Variants in UNC79 observed in about 807,000 individuals in gnomAD.
The protein encoded by UNC79 is protein unc-79 homolog.
A neutral mutation model predicts 283.1 loss-of-function variants in UNC79; 37 were observed. The ratio of observed to expected loss-of-function variants is 0.13; its 90% CI spans 0.10 to 0.17. The LOEUF is 0.17. Ranked by LOEUF, UNC79 falls within the 10% of genes least tolerant of loss-of-function variation. The pLI, the probability that UNC79 is intolerant of heterozygous loss-of-function variation, is 1.00. For missense variants in UNC79, 2,272 were observed against 3,211.1 expected (o/e 0.71, Z 7.07); for synonymous variants, 1,107 against 1,200.2 (o/e 0.92, Z 1.61).
intron 11 of UNC79, among the ~76,000 whole-genome samples, chr14:93,536,753 C>T (rs964487661): frequency 6.8e-6 from 1 of 147,138 alleles, no homozygotes; most frequent in East Asian, 2.0e-4. Context: ...CCTTAAGATC[C>T]TTAGAAGGCA....
intron 1 of UNC79, among the ~76,000 whole-genome samples, chr14:93,385,562 T>C (rs1469440103): frequency 6.6e-6 from 1 of 152,106 alleles, no homozygotes; most frequent in Non-Finnish European, 1.5e-5. Flanking sequence ...GCGGATCACT[T>C]GAGGCCAGGC....
chr14:93,520,571 G>C (rs1226901825), intron 7 of UNC79, among the ~76,000 whole-genome samples: 1 of 151,826 alleles, frequency 6.6e-6, no homozygotes, highest in Non-Finnish European at 1.5e-5. Context: ...TAAAATATAT[G>C]TAAGGTAAAA....
chr14:93,620,823 G>A, intron 29 of UNC79, 69 bp from the exon 31 acceptor site: 1 of 410,542 alleles, frequency 2.4e-6, no homozygotes, highest in East Asian at 5.8e-5. Flanking sequence ...TCATTGAAAT[G>A]CTTGTGTAGA....
intron 1 of UNC79, among the ~76,000 whole-genome samples, chr14:93,363,066 A>G (rs556356584): frequency 2.5e-4 from 38 of 152,000 alleles, no homozygotes; most frequent in Non-Finnish European, 5.4e-4. Context: ...GGTTGTTAAT[A>G]TGAGCTCTTT....
At chr14:93,483,158 C>A (rs2058226268) in intron 4 of UNC79, among the ~76,000 whole-genome samples, 2 of 152,224 alleles carry the variant, frequency 1.3e-5, no homozygotes, top group African/African-American at 4.8e-5. Context: ...TTTCAAGATG[C>A]CCTTCCTTAC....
chr14:93,620,637 T>C (rs971183637), intron 29 of UNC79, among the ~76,000 whole-genome samples: 1 of 152,198 alleles, frequency 6.6e-6, no homozygotes, highest in Non-Finnish European at 1.5e-5. Flanking sequence ...GCTATTGGAC[T>C]CTCAAGAAGC....
chr14:93,627,554 T>G (rs1351551328), intron 30 of UNC79, among the ~76,000 whole-genome samples: 1 of 152,206 alleles, frequency 6.6e-6, no homozygotes, highest in African/African-American at 2.4e-5. Context: ...GCCATGGTGA[T>G]GGCAGAGTCA....
At chr14:93,666,413 A>T in intron 40 of UNC79, among the ~76,000 whole-genome samples, 1 of 152,116 alleles carries the variant, frequency 6.6e-6, no homozygotes, top group East Asian at 1.9e-4. Flanking sequence ...CAGCAAGAAA[A>T]TTTAAAAGAA....
chr14:93,566,874 C>T (rs543878213), intron 14 of UNC79, among the ~76,000 whole-genome samples: 1 of 152,192 alleles, frequency 6.6e-6, no homozygotes, highest in Non-Finnish European at 1.5e-5. Flanking sequence ...ACCTTGGCCT[C>T]CCAAAGTGCT....
At chr14:93,364,682 TA>T (rs1455472056) in intron 1 of UNC79, among the ~76,000 whole-genome samples, 10 of 150,746 alleles carry the variant, frequency 6.6e-5, no homozygotes, top group African/African-American at 2.4e-4. Context: ...GGCACTGGCT[TA>T]AAAAAATAAC....
chr14:93,367,092 A>G (rs933891828), intron 1 of UNC79, among the ~76,000 whole-genome samples: 16 of 152,166 alleles, frequency 1.1e-4, no homozygotes, highest in African/African-American at 3.9e-4. Context: ...ATTTGAAGAC[A>G]TTGTAAATCC....
rs59725660 is a variant in UNC79 at position 93,605,763 on chromosome 14, T to C, written c.3754+2345T>C. 5.6e-4 allele frequency among the ~76,000 whole-genome samples: 85 copies of C among 152,252 alleles called. No individual in the cohort carries two copies. In the East Asian group the frequency reaches 0.016, roughly 29 times the overall value. On this transcript the variant is annotated intron_variant, in intron 26 of 48. Coordinates refer to ENST00000555664, the Ensembl canonical transcript of UNC79. Reference sequence around the variant, plus strand: ...TCAAGTAAGGAGACTTTAAAGATCATTGTGTTTTATAAAAAGGACGTTTGA... The same window carrying C: ...TCAAGTAAGGAGACTTTAAAGATCACTGTGTTTTATAAAAAGGACGTTTGA...
chr14:93,526,226 G>A (rs1031639609), intron 8 of UNC79, among the ~76,000 whole-genome samples: 7 of 151,888 alleles, frequency 4.6e-5, no homozygotes, highest in Non-Finnish European at 8.8e-5. Context: ...CCTGTGCTGG[G>A]GCCATTTTTG....
chr14:93,614,320 TTTATTTATTTATTTA>T (rs2066529253), intron 27 of UNC79, among the ~76,000 whole-genome samples: 1 of 150,968 alleles, frequency 6.6e-6, no homozygotes, highest in Non-Finnish European at 1.5e-5. Context: ...TATTTATTTA[TTTATTTATTTATTTA>T]GAGACGGAGT....
intron 1 of UNC79, among the ~76,000 whole-genome samples, chr14:93,396,687 G>C (rs2055004503): frequency 6.6e-6 from 1 of 151,732 alleles, no homozygotes; most frequent in Admixed American, 6.6e-5. Context: ...TGCTTGGTTA[G>C]CTTAGTGGTC....
intron 14 of UNC79, among the ~76,000 whole-genome samples, chr14:93,567,116 A>G (rs184569330): frequency 6.6e-6 from 1 of 152,354 alleles, no homozygotes; most frequent in Non-Finnish European, 1.5e-5. Flanking sequence ...CACTGTGCCA[A>G]TCACCGAGTT....
chr14:93,482,640 G>C (rs964933058), intron 4 of UNC79, among the ~76,000 whole-genome samples: 3 of 152,116 alleles, frequency 2.0e-5, no homozygotes, highest in African/African-American at 7.2e-5. Flanking sequence ...TTCCTGCCAG[G>C]TGTCTCCTTT....
intron 1 of UNC79, among the ~76,000 whole-genome samples, chr14:93,424,099 G>A (rs575154876): frequency 1.3e-5 from 2 of 152,030 alleles, no homozygotes; most frequent in Non-Finnish European, 2.9e-5. Context: ...AATGGCAAAC[G>A]GGCATATGAA....
downstream of UNC79, chr14:93,707,113 G>T: frequency 2.2e-6 from 1 of 453,922 alleles, no homozygotes; most frequent in Non-Finnish European, 3.8e-6. Context: ...ATCTGATTAA[G>T]TGTTTCCTTA....
Sources: allele counts gnomAD v4.1 joint callset (sites outside exome capture counted in the v4.1 genomes callset), GRCh38; gene constraint gnomAD v4.1.1; transcripts MANE v1.5; gene names NCBI Gene and HGNC (gene_info 2026-07-23, HGNC 2026-07-21).